The following MTCL1 variants were observed in gnomAD, a reference collection of about 807,000 sequenced individuals.
MTCL1 encodes the protein microtubule crosslinking factor 1, also known as microtubule cross-linking factor 1.
In MTCL1, 79 loss-of-function variants were observed where a neutral mutation model predicts 141.4. The ratio of observed to expected loss-of-function variants is 0.56; its 90% CI spans 0.47 to 0.67. The LOEUF (loss-of-function observed/expected upper bound fraction) is 0.67, where lower values mean the gene tolerates loss of function less well. Among genes scored for constraint, MTCL1 ranks in the 30% least tolerant of loss-of-function variants. MTCL1 has a pLI of 0.00. For synonymous variants in MTCL1, 914 were observed against 875.8 expected, an observed-to-expected ratio of 1.04 and a Z score of -0.77; for missense variants, 2,177 against 2,113.9, an observed-to-expected ratio of 1.03 and a Z score of -0.59.
chr18:8,831,509 C>G, intron 16 of MTCL1, 98 bp from the exon 15 acceptor site: 1 of 1,492,822 alleles, frequency 6.7e-7, no homozygotes, highest in Non-Finnish European at 9.0e-7. Flanking sequence ...GTGTATACTT[C>G]ATCTCACTTG....
chr18:8,746,636 G>A (rs367546060), intron 4 of MTCL1, among the ~76,000 whole-genome samples: 14 of 152,190 alleles, frequency 9.2e-5, no homozygotes, highest in Admixed American at 3.9e-4. Flanking sequence ...GCCTTCTCTC[G>A]AGCTGCACTG....
At chr18:8,764,462 T>C (rs895488957) in intron 4 of MTCL1, among the ~76,000 whole-genome samples, 5 of 151,842 alleles carry the variant, frequency 3.3e-5, no homozygotes, top group African/African-American at 7.3e-5. Flanking sequence ...GGATTACAGG[T>C]GTGCACCACA....
chr18:8,792,675 T>C lies in MTCL1; in HGVS notation c.1888-323T>C, dbSNP rs186480435. Among the ~76,000 whole-genome samples, 688 of 152,322 alleles carry C rather than the reference T, an allele frequency of 4.5e-3. 7 individuals carry two copies. The highest frequency in any genetic ancestry group is 0.016 in the African/African-American group (656 of 41,572). ...CCATCCCGGCGTCCAGAAGCCACTG[T>C]GGGAGCAAGGACACCTCTGGTGTAC... On this transcript the variant is annotated intron_variant, in intron 7 of 16. Transcript: ENST00000359865.
At chr18:8,777,199 G>T (rs1479396392) in intron 4 of MTCL1, among the ~76,000 whole-genome samples, 1 of 152,214 alleles carries the variant, frequency 6.6e-6, no homozygotes, top group Non-Finnish European at 1.5e-5. Context: ...TCACACCACT[G>T]CACGCTAGCC....
chr18:8,824,639 G>A, intron 14 of MTCL1, 60 bp from the exon 14 acceptor site: 1 of 1,436,744 alleles, frequency 7.0e-7, no homozygotes, highest in East Asian at 2.4e-5. Context: ...GGACATGGGT[G>A]TTGTGGTGTG....
chr18:8,789,879 C>G (rs1284751153), intron 7 of MTCL1, among the ~76,000 whole-genome samples: 1 of 152,152 alleles, frequency 6.6e-6, no homozygotes, highest in Non-Finnish European at 1.5e-5. Context: ...TAGAGTAATT[C>G]TAGGCTGAAC....
At chr18:8,784,149 G>T (rs1242850998) in exon 6 of MTCL1, 1 of 1,613,724 alleles carries the variant, frequency 6.2e-7, no homozygotes, top group East Asian at 2.2e-5. Context: ...CTGCAGATCA[G>T]CGAGCTCAGC....
At chr18:8,831,892 T>G (rs2077203623) in exon 17 of MTCL1, 4 of 1,426,820 alleles carry the variant, frequency 2.8e-6, no homozygotes, top group East Asian at 2.5e-5. Flanking sequence ...ACAGGAGAGA[T>G]CTAGTTTTCT....
In MTCL1 at chr18:8,813,149, G is replaced by A. The variant is rs770901668; in HGVS notation, c.2775G>A (p.Glu925=). The A allele has an allele frequency of 6.2e-7, 1 of 1,614,142 alleles. No individual in the cohort carries two copies. Among genetic ancestry groups the A allele is most frequent in the Admixed American group, 1.7e-5 (1 of 60,010 alleles). Residue 925 remains glutamate, a synonymous_variant, in exon 12 of 17, where the codon GAG becomes GAA. Transcript: ENST00000359865. ...ACAGCGAGAAGAACTGGAACCGGGAGAAGGTGGAACTTCTCGACCGCCTGG... is the reference window on the plus strand; with the variant it reads ...ACAGCGAGAAGAACTGGAACCGGGAAAAGGTGGAACTTCTCGACCGCCTGG...
chr18:8,713,731 A>G (rs538300740), upstream of MTCL1, among the ~76,000 whole-genome samples: 1 of 152,364 alleles, frequency 6.6e-6, no homozygotes, highest in South Asian at 2.1e-4. Flanking sequence ...CAGCAGACCA[A>G]TAATGGTGGA....
chr18:8,773,178 G>A (rs981845639), intron 4 of MTCL1, among the ~76,000 whole-genome samples: 24 of 152,122 alleles, frequency 1.6e-4, no homozygotes, highest in African/African-American at 5.1e-4. Context: ...CTTAGGGTAT[G>A]TTCTCAGAGG....
rs747807625 is a variant in MTCL1, at chr18:8,786,110, TC to T, written c.1887+30del. ...CCTGGAGGTCAGCGTGGGCAAGCAA[TC>T]CCCCCCCCCCGCCCTCCCCCTCCTT... On this transcript the variant is annotated intron_variant, in intron 7 of 16. Coordinates refer to ENST00000359865, the Ensembl canonical transcript of MTCL1. 8.7e-3 allele frequency: 11,232 copies of T among 1,286,580 alleles called. 43 individuals are homozygous for T. Among genetic ancestry groups the T allele is most frequent in the African/African-American group, 0.062 (2,879 of 46,226 alleles). The allele number at this position is 1,286,580 out of a possible 1,614,324, so 79.7% of individuals were successfully genotyped here.
At chr18:8,733,626 G>A (rs954858551) in intron 4 of MTCL1, among the ~76,000 whole-genome samples, 1 of 152,192 alleles carries the variant, frequency 6.6e-6, no homozygotes, top group Middle Eastern at 3.4e-3. Context: ...GGCTGGTCTT[G>A]AACTCCTGAC....
intron 7 of MTCL1, among the ~76,000 whole-genome samples, chr18:8,790,130 TC>T (rs1343925116): frequency 6.6e-6 from 1 of 152,206 alleles, no homozygotes; most frequent in Admixed American, 6.5e-5. Flanking sequence ...GTGAACTGGC[TC>T]AAGGACCTCC....
chr18:8,749,022 C>G (rs2096356623), intron 4 of MTCL1, among the ~76,000 whole-genome samples: 1 of 152,190 alleles, frequency 6.6e-6, no homozygotes, highest in African/African-American at 2.4e-5. Flanking sequence ...CACATCATCT[C>G]TACTTTTAGT....
Position 8,828,880 on chromosome 18 carries a change from C to T in MTCL1, c.4723-28C>T, listed in dbSNP as rs746834362. 5.0e-6 allele frequency: 8 copies of T among 1,607,218 alleles called. No homozygotes were observed. Among genetic ancestry groups the T allele is most frequent in the Non-Finnish European group, 6.8e-6 (8 of 1,179,966 alleles). On this transcript the variant is annotated intron_variant, in intron 15 of 16. Transcript: ENST00000359865. The surrounding 1 kb of genome is among the most constrained non-coding windows in gnomAD (Gnocchi z 5.2). ...AACACTTTCCAACCTTCTTGCTTTT[C>T]TTTTCTTTCTCTGTCTGTTCTGTCC...
intron 3 of MTCL1, 65 bp downstream of exon 2, chr18:8,718,713 T>A: frequency 6.8e-7 from 1 of 1,470,890 alleles, no homozygotes; most frequent in Non-Finnish European, 9.5e-7. Context: ...ACATGCACGT[T>A]GCCCTGGTGT....
chr18:8,774,734 C>T (rs1598598329), intron 4 of MTCL1, among the ~76,000 whole-genome samples: 1 of 152,334 alleles, frequency 6.6e-6, no homozygotes, highest in Admixed American at 6.5e-5. Context: ...GTAATCTGCC[C>T]ACTTCGGCCT....
chr18:8,821,108 C>G (rs960351955), intron 13 of MTCL1, among the ~76,000 whole-genome samples: 12 of 152,210 alleles, frequency 7.9e-5, no homozygotes, highest in African/African-American at 2.9e-4. Flanking sequence ...CTCAGTCTCA[C>G]TCTCACACTT....
Sources: gnomAD v4.1 joint callset for allele counts (sites outside exome capture counted in the v4.1 genomes callset) on GRCh38, gnomAD v4.1.1 for gene constraint, Gnocchi (gnomAD v3.1) non-coding constraint, MANE v1.5 for transcripts, NCBI Gene and HGNC (gene_info 2026-07-23, HGNC 2026-07-21) for gene names.